Variants in RNF17 observed in about 807,000 individuals in gnomAD.
RNF17 encodes the protein ring finger protein 17.
RNF17 carries 31 observed loss-of-function variants against 200.5 expected under a neutral mutation model. The ratio of observed to expected loss-of-function variants is 0.15; its 90% CI spans 0.12 to 0.21. RNF17 has a LOEUF of 0.21. Ranked by LOEUF, RNF17 falls within the 10% of genes least tolerant of loss-of-function variation. RNF17 has a pLI of 1.00. For missense variants in RNF17, 1,628 were observed against 1,905.1 expected (o/e 0.85, Z 2.71); for synonymous variants, 606 against 637.8 (o/e 0.95, Z 0.75).
the RNF17 span, among the ~76,000 whole-genome samples, chr13:24,888,531 GGC>G: frequency 6.6e-6 from 1 of 152,146 alleles, no homozygotes; most frequent in Non-Finnish European, 1.5e-5. Flanking sequence ...GTTAAAGTCT[GGC>G]CAGATCAAGT....
At chr13:24,808,424 C>T (rs1183986839) in intron 15 of RNF17, among the ~76,000 whole-genome samples, 18 of 140,510 alleles carry the variant, frequency 1.3e-4, no homozygotes, top group Admixed American at 7.2e-5. Context: ...TGGGAGTTCA[C>T]TCATGATTTG....
At position 24,864,302 on chromosome 13, in the gene RNF17, TCAGTGAGGAGCAGTAAAA is replaced by T. The variant is rs1263423184; in HGVS notation, c.3976-556_3976-539del. On this transcript the variant is annotated intron_variant, in intron 28 of 35. Coordinates refer to ENST00000255324, the MANE Select transcript of RNF17 (RefSeq NM_031277.3). ...TCTGCTGGGAGGCAGCAACAGTAATTCAGTGAGGAGCAGTAAAACAGTGAGGAGCAGTGAGTTTGGACA... is the reference window on the plus strand; with the variant it reads ...TCTGCTGGGAGGCAGCAACAGTAATTCAGTGAGGAGCAGTGAGTTTGGACA... 3.3e-5 allele frequency among the ~76,000 whole-genome samples: 5 copies of T among 152,204 alleles called. No homozygotes were observed. The East Asian group carries it at 7.7e-4, about 24-fold the overall frequency.
At chr13:24,877,225 TTC>T in intron 34 of RNF17, 39 bp downstream of exon 34, 3 of 1,536,410 alleles carry the variant, frequency 2.0e-6, no homozygotes, top group South Asian at 1.2e-5. Flanking sequence ...GTAAAGCTAT[TTC>T]TGTGTCGATA....
At chr13:24,858,116 C>T (rs539207191) in intron 25 of RNF17, among the ~76,000 whole-genome samples, 2 of 152,150 alleles carry the variant, frequency 1.3e-5, no homozygotes, top group Admixed American at 1.3e-4. Context: ...GTCATTGGCT[C>T]CTAATTAGTA....
intron 15 of RNF17, among the ~76,000 whole-genome samples, chr13:24,814,684 ACTTT>A (rs1352873061): frequency 1.3e-5 from 2 of 152,070 alleles, no homozygotes; most frequent in Non-Finnish European, 2.9e-5. Context: ...TTATTTCTGG[ACTTT>A]CTATTTTGTT....
chr13:24,834,544 T>A (rs1056431008), intron 18 of RNF17, among the ~76,000 whole-genome samples: 1 of 152,178 alleles, frequency 6.6e-6, no homozygotes, highest in African/African-American at 2.4e-5. Flanking sequence ...AGGGAGACCC[T>A]CCTCTCCTGA....
chr13:24,817,423 AT>A (rs1887534300), intron 15 of RNF17, among the ~76,000 whole-genome samples: 1 of 152,036 alleles, frequency 6.6e-6, no homozygotes, highest in Non-Finnish European at 1.5e-5. Context: ...ATCTCTTACA[AT>A]TTTTTACTTC....
At chr13:24,763,902 A>G (rs530604086), upstream of RNF17, among the ~76,000 whole-genome samples, 3 of 152,284 alleles carry the variant, frequency 2.0e-5, no homozygotes, top group Admixed American at 6.5e-5. Context: ...GTCACTCACA[A>G]TGTAAGTAAT....
In RNF17 at chr13:24,799,476, G is replaced by A; in HGVS notation, c.1481G>A (p.Arg494Lys). 3 of 1,609,162 alleles carry A rather than the reference G, an allele frequency of 1.9e-6. No individual in the cohort carries two copies. The highest frequency in any genetic ancestry group is 2.6e-6 in the Non-Finnish European group (3 of 1,175,850). ...TITELIPIEGRNTRKPCSPTR... is the reference protein window; with the variant it reads ...TITELIPIEGKNTRKPCSPTR... ...ACAGAATTAATTCCAATAGAGGGTA[G>A]AAATACCAGAAAACCTTGTAGTCCA... The change falls in exon 12 of 36, where the codon AGA (arginine) becomes AAA (lysine). Residue 494 changes from arginine (R) to lysine (K), a missense_variant. Around this residue, in one of 5 missense-constraint regions of RNF17, gnomAD observed 289 missense variants for 384.9 expected, o/e 0.75. Coordinates refer to ENST00000255324, the MANE Select transcript of RNF17 (RefSeq NM_031277.3).
intron 15 of RNF17, among the ~76,000 whole-genome samples, chr13:24,817,838 T>G (rs1210246381): frequency 6.6e-6 from 1 of 152,170 alleles, no homozygotes; most frequent in East Asian, 1.9e-4. Flanking sequence ...ATTTGTCAAT[T>G]TTGCTGATCT....
chr13:24,764,072 G>A, upstream of RNF17: 1 of 829,206 alleles, frequency 1.2e-6, no homozygotes, highest in East Asian at 2.5e-5. Context: ...TCAGGAGCGA[G>A]CTTGGGGGCG....
chr13:24,828,581 A>G (rs1889014114), intron 16 of RNF17, among the ~76,000 whole-genome samples: 1 of 143,254 alleles, frequency 7.0e-6, no homozygotes, highest in Non-Finnish European at 1.5e-5. Flanking sequence ...GGATCTCCAT[A>G]GCCCTTTTGT....
intron 19 of RNF17, among the ~76,000 whole-genome samples, chr13:24,843,002 AAAAG>A (rs1370515823): frequency 6.6e-6 from 1 of 151,934 alleles, no homozygotes; most frequent in Non-Finnish European, 1.5e-5. Context: ...AAAAAAAGAA[AAAAG>A]AAAGCCAGTA....
rs183048100 is a variant in RNF17, at chr13:24,874,658, C to T, written c.4583+409C>T. Among the ~76,000 whole-genome samples, 812 of 152,096 alleles carry T rather than the reference C, an allele frequency of 5.3e-3. 22 individuals are homozygous for T. In the East Asian group the frequency reaches 0.081, roughly 15 times the overall value. ...AACTCCTGACCTCAGGTGATCCCCC[C>T]GCCTCAGCCTCCCAAAGTGCTGGGA... is the stretch of plus-strand genomic sequence containing the variant. On this transcript the variant is annotated intron_variant, in intron 33 of 35. Coordinates refer to ENST00000255324, the MANE Select transcript of RNF17 (RefSeq NM_031277.3).
chr13:24,882,192 A>G (rs1198663012), downstream of RNF17: 8 of 19,070 alleles, frequency 4.2e-4, 4 homozygotes, highest in African/African-American at 1.1e-3. Context: ...ATATAGATAT[A>G]TAGATACATC....
At chr13:24,763,361 T>A (rs4770735), upstream of RNF17, among the ~76,000 whole-genome samples, 21,472 of 143,586 alleles carry the variant, frequency 0.15, 2,047 homozygotes, top group Admixed American at 0.27. Context: ...CACCGCCACG[T>A]CCGGCTAATT....
At chr13:24,884,245 T>TCTGTAA, downstream of RNF17, 1 of 1,614,098 alleles carries the variant, frequency 6.2e-7, no homozygotes, top group Non-Finnish European at 8.5e-7. Flanking sequence ...TAGTAGTAGA[T>TCTGTAA]CTGTAAAGAC....
intron 9 of RNF17, among the ~76,000 whole-genome samples, chr13:24,791,890 A>G (rs1435094920): frequency 2.0e-5 from 3 of 152,196 alleles, no homozygotes; most frequent in Non-Finnish European, 4.4e-5. Flanking sequence ...TTTTTTGGTA[A>G]TCTTTTTTGA....
rs1216344913 is a variant in RNF17, at chr13:24,870,622, A to C, written c.4330A>C (p.Ser1444Arg). The C allele has an allele frequency of 6.2e-7, 1 of 1,614,084 alleles. No homozygotes were observed. The highest frequency in any genetic ancestry group is 1.7e-5 in the Admixed American group (1 of 60,028). ...IETSNQSNQHSDTDDSGVSGE... is the reference protein window; with the variant it reads ...IETSNQSNQHRDTDDSGVSGE... ...AACTTCTAACCAGTCTAACCAGCAT[A>C]GTGACACAGATGATAGTGGAGTCAG... Residue 1444 changes from serine to arginine, a missense_variant, in exon 32 of 36, where the codon AGT (serine) becomes CGT (arginine). By Grantham distance (110) the Ser-to-Arg change is moderately radical. Around this residue, in one of 5 missense-constraint regions of RNF17, gnomAD observed 609 missense variants for 681.9 expected, o/e 0.89. Coordinates refer to ENST00000255324, the MANE Select transcript of RNF17 (RefSeq NM_031277.3).
Sources: gnomAD v4.1 joint callset for allele counts (sites outside exome capture counted in the v4.1 genomes callset) on GRCh38, gnomAD v4.1.1 for gene constraint, gnomAD v4.1.1 regional missense constraint, MANE v1.5 for transcripts, NCBI Gene and HGNC (gene_info 2026-07-23, HGNC 2026-07-21) for gene names.